KCNC2: variants seen among roughly 807,000 people sequenced by gnomAD.
KCNC2 encodes potassium voltage-gated channel subfamily C member 2.
In KCNC2, 21 loss-of-function variants were observed where a neutral mutation model predicts 44.5. The observed-to-expected ratio is 0.47, with a 90% confidence interval of 0.33 to 0.68. KCNC2 has a LOEUF of 0.68. KCNC2 is among the 30% of genes least tolerant of loss of function. The probability of loss-of-function intolerance (pLI) is 0.01; values close to 1 mark genes in which losing one functional copy is unlikely to be tolerated. For missense variants in KCNC2, 589 were observed against 826.2 expected (o/e 0.71, Z 3.52); for synonymous variants, 391 against 339.1 (o/e 1.15, Z -1.68).
intron 2 of KCNC2, among the ~76,000 whole-genome samples, chr12:75,133,515 A>G (rs561808222): frequency 1.1e-4 from 16 of 152,098 alleles, no homozygotes; most frequent in Non-Finnish European, 1.9e-4. Context: ...AGATGGGTTA[A>G]GAATTTAGGA....
intron 2 of KCNC2, among the ~76,000 whole-genome samples, chr12:75,168,491 T>C (rs1425314395): frequency 6.6e-6 from 1 of 151,512 alleles, no homozygotes; most frequent in Non-Finnish European, 1.5e-5. Flanking sequence ...TACAAAGCTA[T>C]AATTATCAAT....
chr12:75,086,814 C>T (rs1404857570), intron 2 of KCNC2, among the ~76,000 whole-genome samples: 1 of 151,516 alleles, frequency 6.6e-6, no homozygotes, highest in Non-Finnish European at 1.5e-5. Context: ...TTGTATACAT[C>T]TTCTATGTTA....
At chr12:75,208,023 C>G in intron 1 of KCNC2, 21 bp from the exon 2 acceptor site, 1 of 1,608,152 alleles carries the variant, frequency 6.2e-7, no homozygotes, top group Non-Finnish European at 8.5e-7. Context: ...GCAAACACAG[C>G]GCCGAGTTAA....
At chr12:75,123,995 C>T (rs1888221282) in intron 2 of KCNC2, 1 of 152,112 alleles carries the variant, frequency 6.6e-6, no homozygotes, top group Admixed American at 6.5e-5. Context: ...CCTAAAATAA[C>T]TTAAAAAAAC....
chr12:75,094,471 C>T (rs11615226), intron 2 of KCNC2, among the ~76,000 whole-genome samples: 25,871 of 151,570 alleles, frequency 0.17, 2,716 homozygotes, highest in Admixed American at 0.27. Flanking sequence ...CTCATGCTCT[C>T]TTAGCTTAAA....
At position 75,102,675 on chromosome 12, in the gene KCNC2, A is replaced by T. The variant is rs555083836; in HGVS notation, c.688-51358T>A. On this transcript the variant is annotated intron_variant, in intron 2 of 4. Coordinates refer to ENST00000549446, the MANE Select transcript of KCNC2 (RefSeq NM_139137.4). Reference sequence around the variant, plus strand: ...ATATATGCATACGTAATTCCTAATCATTTATGTTTTTTATTATCAAACAGT... The same window carrying T: ...ATATATGCATACGTAATTCCTAATCTTTTATGTTTTTTATTATCAAACAGT... 8.5e-5 allele frequency among the ~76,000 whole-genome samples: 13 copies of T among 152,182 alleles called. 1 individual carries two copies. The South Asian group carries it at 2.7e-3, about 32-fold the overall frequency.
intron 2 of KCNC2, among the ~76,000 whole-genome samples, chr12:75,133,800 C>T (rs1889028130): frequency 6.6e-6 from 1 of 151,876 alleles, no homozygotes. Flanking sequence ...CATTTAGTAT[C>T]TTATAGAACA....
intron 2 of KCNC2, among the ~76,000 whole-genome samples, chr12:75,088,959 C>T (rs1009576252): frequency 6.6e-6 from 1 of 151,588 alleles, no homozygotes; most frequent in African/African-American, 2.4e-5. Context: ...CTCCACAGCC[C>T]CATAAAACAA....
intron 2 of KCNC2, among the ~76,000 whole-genome samples, chr12:75,186,616 T>G (rs894041828): frequency 6.6e-6 from 1 of 152,318 alleles, no homozygotes; most frequent in East Asian, 1.9e-4. Context: ...ATAAACTTTC[T>G]TTTATTTCCT....
chr12:75,151,399 G>C (rs765716003), intron 2 of KCNC2, among the ~76,000 whole-genome samples: 32 of 151,930 alleles, frequency 2.1e-4, no homozygotes, highest in Non-Finnish European at 5.9e-5. Context: ...AAATTGGGTT[G>C]GCCCACTGCC....
At chr12:75,205,913 A>T (rs542617824) in intron 2 of KCNC2, among the ~76,000 whole-genome samples, 1 of 150,178 alleles carries the variant, frequency 6.7e-6, no homozygotes, top group South Asian at 2.1e-4. Flanking sequence ...AAAAAAAAAG[A>T]TTTCCAAGTT....
intron 2 of KCNC2, among the ~76,000 whole-genome samples, chr12:75,088,904 T>A (rs542152072): frequency 6.6e-6 from 1 of 151,860 alleles, no homozygotes; most frequent in Non-Finnish European, 1.5e-5. Context: ...CAAATCCAAA[T>A]GCATCTTAAA....
chr12:75,085,238 T>A (rs1047036237), intron 2 of KCNC2, among the ~76,000 whole-genome samples: 4 of 152,024 alleles, frequency 2.6e-5, no homozygotes, highest in Admixed American at 2.0e-4. Context: ...TTATTACCAG[T>A]AACCTCTTCA....
chr12:75,052,659 T>C (rs1565812112), intron 2 of KCNC2, among the ~76,000 whole-genome samples: 1 of 152,246 alleles, frequency 6.6e-6, no homozygotes, highest in East Asian at 1.9e-4. Context: ...TTGCCCCTAA[T>C]ATCTAGTCCT....
At chr12:75,095,217 C>T (rs1474900457) in intron 2 of KCNC2, among the ~76,000 whole-genome samples, 2 of 151,840 alleles carry the variant, frequency 1.3e-5, no homozygotes, top group African/African-American at 4.8e-5. Context: ...CTTTCATCTG[C>T]AATCTATGAT....
At chr12:75,047,427 G>T (rs1046919089) in intron 4 of KCNC2, among the ~76,000 whole-genome samples, 1 of 152,042 alleles carries the variant, frequency 6.6e-6, no homozygotes, top group African/African-American at 2.4e-5. Flanking sequence ...CTTTACCAAA[G>T]ATGCTCATCC....
chr12:75,088,174 A>T (rs773629799), intron 2 of KCNC2, among the ~76,000 whole-genome samples: 1 of 152,088 alleles, frequency 6.6e-6, no homozygotes, highest in Non-Finnish European at 1.5e-5. Context: ...AAATGAGGCA[A>T]TGCACAGAAG....
intron 2 of KCNC2, among the ~76,000 whole-genome samples, chr12:75,158,387 A>C (rs963416281): frequency 1.3e-5 from 2 of 151,830 alleles, no homozygotes; most frequent in Admixed American, 6.6e-5. Context: ...TCATTAATTA[A>C]ATTCCTGGAG....
chr12:75,054,786 A>C (rs532204824), intron 2 of KCNC2, among the ~76,000 whole-genome samples: 24 of 152,300 alleles, frequency 1.6e-4, no homozygotes, highest in Non-Finnish European at 3.4e-4. Context: ...AGAGTTTCCC[A>C]TGGAAGGAAG....
Sources: gnomAD v4.1 joint callset for allele counts (sites outside exome capture counted in the v4.1 genomes callset) on GRCh38, gnomAD v4.1.1 for gene constraint, MANE v1.5 for transcripts, NCBI Gene and HGNC (gene_info 2026-07-23, HGNC 2026-07-21) for gene names.